Variants in PSORS1C1 observed in about 807,000 individuals in gnomAD.
The protein encoded by PSORS1C1 is psoriasis susceptibility 1 candidate 1, also known as psoriasis susceptibility 1 candidate gene 1 protein.
Under a neutral mutation model 9.4 loss-of-function variants are expected in PSORS1C1, and 7 were observed. The observed-to-expected ratio is 0.75, with a 90% CI of 0.42 to 1.40. The LOEUF is 1.40. PSORS1C1 is among the 40% of genes most tolerant of loss of function. PSORS1C1 has a pLI of 0.01. For missense variants in PSORS1C1, 146 were observed against 178.1 expected, an observed-to-expected ratio of 0.82 and a Z score of 1.02; for synonymous variants, 63 against 69.4, an observed-to-expected ratio of 0.91 and a Z score of 0.46.
At chr6:31,138,511 C>T (rs1279019426) in intron 4 of PSORS1C1, 52 bp downstream of exon 4, 2 of 1,606,758 alleles carry the variant, frequency 1.2e-6, no homozygotes, top group South Asian at 1.1e-5. Context: ...CCCCTACCCC[C>T]GATGGATCTG....
At chr6:31,136,864 G>A (rs1305720324) in intron 3 of PSORS1C1, among the ~76,000 whole-genome samples, 1 of 152,170 alleles carries the variant, frequency 6.6e-6, no homozygotes, top group Non-Finnish European at 1.5e-5. Flanking sequence ...AAAAACATAA[G>A]TGTTGGCCGG....
chr6:31,127,678 G>A (rs1460715146), intron 2 of PSORS1C1, among the ~76,000 whole-genome samples: 1 of 151,796 alleles, frequency 6.6e-6, no homozygotes, highest in Non-Finnish European at 1.5e-5. Context: ...GCCGGGTGTG[G>A]TGGTGAACAC....
intron 2 of PSORS1C1, among the ~76,000 whole-genome samples, chr6:31,127,490 C>T (rs1340664806): frequency 6.6e-6 from 1 of 152,082 alleles, no homozygotes; most frequent in African/African-American, 2.4e-5. Flanking sequence ...CAGTGTGTAA[C>T]ATTCAGCTCG....
intron 1 of PSORS1C1, chr6:31,116,956 G>A (rs748961989): frequency 1.2e-6 from 2 of 1,614,212 alleles, no homozygotes; most frequent in East Asian, 2.2e-5. Context: ...GGGGATGTCC[G>A]AACTACAGGG....
At position 31,138,419 on chromosome 6, in the gene PSORS1C1, C is replaced by T. The variant is rs770287787; in HGVS notation, c.14-11C>T. 5 of 1,611,280 alleles carry T rather than the reference C, an allele frequency of 3.1e-6. No individual in the cohort carries two copies. The highest frequency in any genetic ancestry group is 4.5e-5 in the East Asian group (2 of 44,772). The stretch of plus-strand genomic sequence containing the variant: ...TCTGGATGGACGCAGCCTGAACTGA[C>T]CCACAAACAGACCAAAAAAGTCACT... On this transcript the variant is annotated splice_polypyrimidine_tract_variant and intron_variant, in intron 3 of 5. Transcript: ENST00000259881.
chr6:31,121,193 G>A (rs946697158), intron 1 of PSORS1C1, among the ~76,000 whole-genome samples: 8 of 151,860 alleles, frequency 5.3e-5, no homozygotes, highest in African/African-American at 1.9e-4. Context: ...CTGGGAGCCA[G>A]GGCTCAGCCA....
intron 3 of PSORS1C1, chr6:31,137,678 G>A: frequency 5.3e-6 from 2 of 376,454 alleles, no homozygotes; most frequent in East Asian, 7.7e-5. Context: ...AGACCGGGTG[G>A]GAGGTAGGTG....
rs772810858 is a variant in PSORS1C1 at position 31,138,238 on chromosome 6, T to C, written c.14-192T>C. On this transcript the variant is annotated intron_variant, in intron 3 of 5. Transcript: ENST00000259881. ...GGGACTGGGGGGCCCTGAGGCAATG[T>C]TGGGGAGCCTGCCTCCTCTCGGTCC... The C allele has an allele frequency of 1.0e-4, 159 of 1,567,126 alleles. No individual in the cohort carries two copies. Among genetic ancestry groups the C allele is most frequent in the Non-Finnish European group, 1.3e-4 (147 of 1,158,364 alleles).
At chr6:31,131,438 A>C (rs887852809) in intron 3 of PSORS1C1, among the ~76,000 whole-genome samples, 6 of 151,640 alleles carry the variant, frequency 4.0e-5, no homozygotes, top group Admixed American at 1.3e-4. Flanking sequence ...CTAAAAAAAA[A>C]CTACAAAAAT....
At chr6:31,117,659 G>A in intron 1 of PSORS1C1, 1 of 766,336 alleles carries the variant, frequency 1.3e-6, no homozygotes, top group South Asian at 1.5e-5. Context: ...TAGGGATGGA[G>A]AAAGGAGGAA....
At chr6:31,126,599 C>T (rs1258142264) in intron 2 of PSORS1C1, among the ~76,000 whole-genome samples, 3 of 152,198 alleles carry the variant, frequency 2.0e-5, no homozygotes, top group Non-Finnish European at 1.5e-5. Flanking sequence ...CCACTTTCCA[C>T]TCTTCCCATG....
At chr6:31,134,905 C>T (rs893453495) in intron 3 of PSORS1C1, among the ~76,000 whole-genome samples, 1 of 152,074 alleles carries the variant, frequency 6.6e-6, no homozygotes, top group Non-Finnish European at 1.5e-5. Flanking sequence ...TAGCCTCAAC[C>T]TCCCAGGGTC....
intron 2 of PSORS1C1, among the ~76,000 whole-genome samples, chr6:31,127,561 A>AATAATTATTATTATTATTATTATT (rs1554342596): frequency 1.4e-5 from 2 of 141,590 alleles, no homozygotes; most frequent in Non-Finnish European, 3.0e-5. Context: ...AGGAGACAGG[A>AATAATTATTATTATTATTATTATT]ATTATTATTA....
intron 1 of PSORS1C1, chr6:31,116,163 C>T (rs760204848): frequency 6.2e-7 from 1 of 1,611,722 alleles, no homozygotes; most frequent in Non-Finnish European, 8.5e-7. Context: ...AGCCACAGGG[C>T]TTGGCACCAG....
At chr6:31,123,498 G>A (rs927253102) in intron 1 of PSORS1C1, among the ~76,000 whole-genome samples, 4 of 152,230 alleles carry the variant, frequency 2.6e-5, no homozygotes, top group African/African-American at 9.6e-5. Context: ...CCACAGTAGT[G>A]CAGGCAGCTC....
At chr6:31,136,922 G>A (rs996733135) in intron 3 of PSORS1C1, among the ~76,000 whole-genome samples, 52 of 151,828 alleles carry the variant, frequency 3.4e-4, no homozygotes, top group African/African-American at 1.0e-3. Context: ...AGGCCGAGGT[G>A]GGCAGATCAC....
chr6:31,138,287 G>A (rs945798031), intron 3 of PSORS1C1, 143 bp from the exon 4 acceptor site: 2 of 1,586,254 alleles, frequency 1.3e-6, no homozygotes, highest in South Asian at 1.1e-5. Context: ...GAGAGGGGTG[G>A]CCCTCGCTGC....
intron 1 of PSORS1C1, among the ~76,000 whole-genome samples, chr6:31,119,081 C>T (rs181694936): frequency 3.0e-4 from 45 of 151,980 alleles, no homozygotes; most frequent in African/African-American, 1.0e-3. Context: ...TAACCTCAGG[C>T]GATTCACCTG....
At chr6:31,116,710 G>A (rs1276571683) in intron 1 of PSORS1C1, 1 of 1,612,774 alleles carries the variant, frequency 6.2e-7, no homozygotes, top group Non-Finnish European at 8.5e-7. Flanking sequence ...ACTGTCAGAG[G>A]AGCCACCCAC....
Sources: allele counts gnomAD v4.1 joint callset (sites outside exome capture counted in the v4.1 genomes callset), GRCh38; gene constraint gnomAD v4.1.1; transcripts MANE v1.5; gene names NCBI Gene and HGNC (gene_info 2026-07-23, HGNC 2026-07-21).